The following SHISA9 variants were observed in gnomAD, a reference collection of about 807,000 sequenced individuals.
The protein encoded by SHISA9 is protein shisa-9.
Under a neutral mutation model 38.0 loss-of-function variants are expected in SHISA9, and 13 were observed. That is an observed-to-expected ratio of 0.34 (90% CI 0.22 to 0.54). SHISA9 has a LOEUF of 0.54. Among genes scored for constraint, SHISA9 ranks in the 20% least tolerant of loss-of-function variants. SHISA9 has a pLI of 0.91. For synonymous variants in SHISA9, 275 were observed against 242.0 expected, an observed-to-expected ratio of 1.14 and a Z score of -1.27; for missense variants, 538 against 575.8, an observed-to-expected ratio of 0.93 and a Z score of 0.67.
At chr16:13,092,340 C>G (rs147155431) in intron 2 of SHISA9, among the ~76,000 whole-genome samples, 2,271 of 152,320 alleles carry the variant, frequency 0.015, 47 homozygotes, top group African/African-American at 0.05. Context: ...GCTGGAGAAC[C>G]ACTGCTCTCT....
chr16:13,099,861 T>C (rs1251064218), intron 2 of SHISA9, among the ~76,000 whole-genome samples: 1 of 152,202 alleles, frequency 6.6e-6, no homozygotes, highest in Non-Finnish European at 1.5e-5. Context: ...CCCAGGGGCC[T>C]CCAGGGGAGC....
intron 2 of SHISA9, among the ~76,000 whole-genome samples, chr16:13,105,409 A>G (rs1480200000): frequency 2.0e-5 from 3 of 152,070 alleles, no homozygotes; most frequent in African/African-American, 7.2e-5. Context: ...CCTCCCTCCC[A>G]CTTGCTTACC....
At chr16:13,203,320 G>T in intron 2 of SHISA9, 74 bp from the exon 3 acceptor site, 1 of 1,355,786 alleles carries the variant, frequency 7.4e-7, no homozygotes. Flanking sequence ...GGTCTCCAGT[G>T]ATGTGGTGAT....
the SHISA9 span, among the ~76,000 whole-genome samples, chr16:13,466,206 G>T: frequency 2.0e-5 from 3 of 152,368 alleles, no homozygotes; most frequent in African/African-American, 7.2e-5. Context: ...TGAACTGGGA[G>T]TTAAGACTGC....
At chr16:13,444,982 C>A in the SHISA9 span, among the ~76,000 whole-genome samples, 2 of 106,316 alleles carry the variant, frequency 1.9e-5, no homozygotes, top group Non-Finnish European at 3.9e-5. Context: ...CCATGCCTAG[C>A]TATATATATA....
chr16:13,193,216 G>C (rs745692627), intron 2 of SHISA9, among the ~76,000 whole-genome samples: 1 of 152,186 alleles, frequency 6.6e-6, no homozygotes, highest in African/African-American at 2.4e-5. Context: ...TCCTGATACT[G>C]TTATAACATG....
At chr16:13,228,503 T>C (rs529365038) in intron 4 of SHISA9, among the ~76,000 whole-genome samples, 45 of 152,292 alleles carry the variant, frequency 3.0e-4, no homozygotes, top group African/African-American at 1.0e-3. Context: ...ATGCATCCCT[T>C]GCTCAGAGCA....
intron 2 of SHISA9, among the ~76,000 whole-genome samples, chr16:13,065,390 T>A (rs2073422444): frequency 6.6e-6 from 1 of 152,238 alleles, no homozygotes; most frequent in Non-Finnish European, 1.5e-5. Context: ...GGTGTATTTA[T>A]AAACTATGAA....
chr16:13,214,896 A>G (rs953791261), intron 4 of SHISA9, among the ~76,000 whole-genome samples: 8 of 152,142 alleles, frequency 5.3e-5, no homozygotes, highest in African/African-American at 1.7e-4. Flanking sequence ...GCGAGTTGCA[A>G]TTCAAGATGA....
At chr16:13,034,421 T>C (rs1048636851) in intron 2 of SHISA9, among the ~76,000 whole-genome samples, 1 of 152,212 alleles carries the variant, frequency 6.6e-6, no homozygotes, top group Non-Finnish European at 1.5e-5. Flanking sequence ...GTCATTGGGA[T>C]GTTCTTTCTT....
rs2072816104 is a variant in SHISA9 at position 13,019,880 on chromosome 16, C to CTT, written c.691+103066_691+103067insTT. Among the ~76,000 whole-genome samples, 11 of 17,244 alleles carry CTT rather than the reference C, an allele frequency of 6.4e-4. 1 individual carries two copies. The highest frequency in any genetic ancestry group is 2.0e-3 in the East Asian group (1 of 502). The allele number at this position is 17,244 out of a possible 152,430, so 11.3% of individuals were successfully genotyped here. A position where few individuals can be genotyped will look rare whatever the true frequency, so the allele number is the denominator to read the frequency against. On this transcript the variant is annotated intron_variant, in intron 2 of 4. Transcript: ENST00000558583. ...CCTCCCTCCCTCCCTCCCTCCCTCCCTCCCTTCTTTCTTTCTTTCTTTCTT... is the reference window on the plus strand; with the variant it reads ...CCTCCCTCCCTCCCTCCCTCCCTCCCTTTCCCTTCTTTCTTTCTTTCTTTCTT...
chr16:13,024,823 G>T (rs1293733370), intron 2 of SHISA9, among the ~76,000 whole-genome samples: 1 of 152,054 alleles, frequency 6.6e-6, no homozygotes. Flanking sequence ...GAATCTGCAG[G>T]TCCCTGTGAT....
chr16:13,185,840 C>T (rs1055322689), intron 2 of SHISA9, among the ~76,000 whole-genome samples: 2 of 152,174 alleles, frequency 1.3e-5, no homozygotes, highest in African/African-American at 4.8e-5. Flanking sequence ...TCAACAATCA[C>T]CACCCTGAGC....
At chr16:13,018,051 T>C (rs751574290) in intron 2 of SHISA9, among the ~76,000 whole-genome samples, 1 of 152,236 alleles carries the variant, frequency 6.6e-6, no homozygotes, top group African/African-American at 2.4e-5. Flanking sequence ...ACCTAAATCC[T>C]GTGTTGTCCT....
the SHISA9 span, among the ~76,000 whole-genome samples, chr16:13,541,982 G>A: frequency 1.3e-5 from 2 of 152,180 alleles, no homozygotes; most frequent in Non-Finnish European, 2.9e-5. Flanking sequence ...ACATGATTAA[G>A]GTAAAGAGTG....
At chr16:13,348,708 A>T in the SHISA9 span, among the ~76,000 whole-genome samples, 1 of 151,936 alleles carries the variant, frequency 6.6e-6, no homozygotes, top group Non-Finnish European at 1.5e-5. Context: ...GATCAGCTCT[A>T]GTCTAATCAG....
the SHISA9 span, among the ~76,000 whole-genome samples, chr16:13,499,018 C>T: frequency 1.3e-5 from 2 of 152,282 alleles, no homozygotes; most frequent in East Asian, 3.9e-4. Flanking sequence ...GAGAGGTCTG[C>T]CCCTGAGCAG....
At chr16:13,439,023 CT>C in the SHISA9 span, among the ~76,000 whole-genome samples, 3 of 152,116 alleles carry the variant, frequency 2.0e-5, no homozygotes, top group Admixed American at 6.5e-5. Context: ...ATGGATGCCC[CT>C]AGAGGACATC....
chr16:13,345,666 C>T, the SHISA9 span, among the ~76,000 whole-genome samples: 92,659 of 151,908 alleles, frequency 0.61, 29,472 homozygotes, highest in East Asian at 0.77. Flanking sequence ...AGGTCTTTGA[C>T]GAATCACTAC....
Sources: allele counts gnomAD v4.1 joint callset (sites outside exome capture counted in the v4.1 genomes callset), GRCh38; gene constraint gnomAD v4.1.1; transcripts MANE v1.5; gene names NCBI Gene and HGNC (gene_info 2026-07-23, HGNC 2026-07-21).